TXLNA: variants seen among roughly 807,000 people sequenced by gnomAD.
TXLNA encodes the protein taxilin alpha.
TXLNA carries 9 observed loss-of-function variants against 61.4 expected under a neutral mutation model. That is an observed-to-expected ratio of 0.15 (90% CI 0.09 to 0.26). The LOEUF is 0.26. TXLNA is among the 10% of genes least tolerant of loss of function. The pLI, the probability that TXLNA is intolerant of heterozygous loss-of-function variation, is 1.00. For missense variants in TXLNA, 565 were observed against 688.8 expected (o/e 0.82, Z 2.01); for synonymous variants, 257 against 267.7 (o/e 0.96, Z 0.39).
At chr1:32,180,656 C>G (rs564502871) in intron 2 of TXLNA, 142 bp downstream of exon 2, 13 of 1,127,964 alleles carry the variant, frequency 1.2e-5, no homozygotes, top group African/African-American at 6.3e-5. Context: ...CGCGGTCCCC[C>G]CTGCGCTCTG....
Position 32,194,165 on chromosome 1 carries a change from G to A in TXLNA, c.1347+5G>A. ...CTGCTTGAGATGGCTGAGGAGGTGG[G>A]CTGTCTGTGATCTGCAGCCAGGGTG... On this transcript the variant is annotated splice_donor_5th_base_variant and intron_variant, in intron 10 of 10. Transcript: ENST00000373610. 1 of 1,612,656 alleles carries A rather than the reference G, an allele frequency of 6.2e-7. No homozygotes were observed. The highest frequency in any genetic ancestry group is 8.5e-7 in the Non-Finnish European group (1 of 1,179,264).
chr1:32,193,150 G>A, intron 8 of TXLNA, 58 bp from the exon 9 acceptor site: 2 of 1,153,168 alleles, frequency 1.7e-6, no homozygotes, highest in Non-Finnish European at 1.3e-6. Flanking sequence ...TGAGTGTGTT[G>A]ACCAGAGTGC....
At position 32,192,012 on chromosome 1, in the gene TXLNA, C is replaced by G. The variant is rs1642916896; in HGVS notation, c.964-299C>G. Among the ~76,000 whole-genome samples the G allele has an allele frequency of 6.6e-6, 1 of 152,272 alleles. No individual in the cohort carries two copies. The highest frequency in any genetic ancestry group is 2.4e-5 in the African/African-American group (1 of 41,478). On this transcript the variant is annotated intron_variant, in intron 6 of 10. Coordinates refer to ENST00000373610, the MANE Select transcript of TXLNA (RefSeq NM_175852.4). This position sits in a 1 kb window ranked among gnomAD's most constrained non-coding sequence, Gnocchi z 4.2. ...ACACAGAAGTGAGGGCTTCCAGCCC[C>G]ATAGGTGATCAATCCTGGGGTCAGA...
rs1387264518 is a variant in TXLNA, at chr1:32,195,560, C to T, written c.*365C>T. The T allele has an allele frequency of 4.9e-6, 2 of 407,938 alleles. No homozygotes were observed. The highest frequency in any genetic ancestry group is 7.3e-5 in the Admixed American group (2 of 27,468). 25.3% of individuals were successfully genotyped at this position (407,938 alleles called of 1,614,324 possible). A position where few individuals can be genotyped will look rare whatever the true frequency, so the allele number is the denominator to read the frequency against. ...GCATTTCTCTGTCTGATTTGAGGCT[C>T]AGACCCCTCCCTGCCCTTCAGAGCT... On this transcript the variant is annotated 3_prime_UTR_variant, in exon 11 of 11. Transcript: ENST00000373610.
chr1:32,193,925 T>C, intron 9 of TXLNA, 140 bp from the exon 10 acceptor site: 1 of 620,740 alleles, frequency 1.6e-6, no homozygotes, highest in Non-Finnish European at 2.9e-6. Context: ...ACAGAGGGCA[T>C]TGACTGCATC....
Position 32,192,481 on chromosome 1 carries a change from G to A in TXLNA, c.1083+51G>A. On this transcript the variant is annotated intron_variant, in intron 7 of 10. Transcript: ENST00000373610. The surrounding 1 kb of genome is among the most constrained non-coding windows in gnomAD (Gnocchi z 4.2). ...GTGGGGGTGGGAGGAGACAGGCTGG[G>A]CTCTGGCTCAGCTCATAGCCGGGTT... is the stretch of plus-strand genomic sequence containing the variant. The A allele has an allele frequency of 6.2e-7, 1 of 1,607,962 alleles. No individual in the cohort carries two copies. The highest frequency in any genetic ancestry group is 8.5e-7 in the Non-Finnish European group (1 of 1,175,768).
intron 3 of TXLNA, among the ~76,000 whole-genome samples, chr1:32,183,653 A>G (rs2124137308): frequency 7.0e-6 from 1 of 143,604 alleles, no homozygotes; most frequent in East Asian, 2.0e-4. Flanking sequence ...GATGGTTTTG[A>G]TCTCCTGACC....
chr1:32,189,030 C>A (rs1330502769), intron 5 of TXLNA, among the ~76,000 whole-genome samples: 2 of 152,100 alleles, frequency 1.3e-5, no homozygotes, highest in African/African-American at 4.8e-5. Flanking sequence ...CATTTCATAT[C>A]CTGTGCCTTT....
chr1:32,182,319 G>T (rs1395489609), intron 3 of TXLNA, among the ~76,000 whole-genome samples: 1 of 152,070 alleles, frequency 6.6e-6, no homozygotes, highest in Admixed American at 6.6e-5. Context: ...TCAGTCACAG[G>T]CAATGGGGAA....
intron 8 of TXLNA, 39 bp from the exon 9 acceptor site, chr1:32,193,169 G>A (rs773415527): frequency 6.8e-7 from 1 of 1,470,600 alleles, no homozygotes; most frequent in Admixed American, 1.7e-5. Context: ...GCCTCCCAGA[G>A]AAACCCAGTC....
In TXLNA at chr1:32,194,052, T is replaced by A. The variant is rs1380816617; in HGVS notation, c.1252-13T>A. On this transcript the variant is annotated splice_polypyrimidine_tract_variant and intron_variant, in intron 9 of 10. Coordinates refer to ENST00000373610, the MANE Select transcript of TXLNA (RefSeq NM_175852.4). ...AGCTCTGACCATTTCCTTCTGTCTG[T>A]CACATAACCTAGATGACTAAGAAGA... 2 of 1,609,178 alleles carry A rather than the reference T, an allele frequency of 1.2e-6. No homozygotes were observed. Among genetic ancestry groups the A allele is most frequent in the Non-Finnish European group, 1.7e-6 (2 of 1,177,156 alleles).
At position 32,195,314 on chromosome 1, in the gene TXLNA, A is replaced by T; in HGVS notation, c.*119A>T. Reference sequence around the variant, plus strand: ...GCCAGGATGTTCTGACCTGGCTGGCATCTGGCACTTGCAATTTTGGATTTT... The same window carrying T: ...GCCAGGATGTTCTGACCTGGCTGGCTTCTGGCACTTGCAATTTTGGATTTT... On this transcript the variant is annotated 3_prime_UTR_variant, in exon 11 of 11. Coordinates refer to ENST00000373610, the MANE Select transcript of TXLNA (RefSeq NM_175852.4). The T allele has an allele frequency of 8.0e-7, 1 of 1,242,306 alleles. No individual in the cohort carries two copies. The allele number at this position is 1,242,306 out of a possible 1,614,324, so 77.0% of individuals were successfully genotyped here. A position where few individuals can be genotyped will look rare whatever the true frequency, so the allele number is the denominator to read the frequency against.
At position 32,196,666 on chromosome 1, in the gene TXLNA, A is replaced by T. The variant is rs1239570957; in HGVS notation, c.*1471A>T. 6.6e-6 allele frequency: 1 copy of T among 152,218 alleles called. No individual in the cohort carries two copies. Among genetic ancestry groups the T allele is most frequent in the Non-Finnish European group, 1.5e-5 (1 of 68,046 alleles). 9.4% of individuals were successfully genotyped at this position (152,218 alleles called of 1,614,324 possible). On this transcript the variant is annotated 3_prime_UTR_variant, in exon 11 of 11. Coordinates refer to ENST00000373610, the MANE Select transcript of TXLNA (RefSeq NM_175852.4). ...GCCAAGCAGTTTTCTGGGACAACAG[A>T]ATGACTCAGACCAAGATGGATAGGA...
chr1:32,191,933 T>C (rs754075907), intron 6 of TXLNA, among the ~76,000 whole-genome samples: 1 of 152,250 alleles, frequency 6.6e-6, no homozygotes, highest in Non-Finnish European at 1.5e-5. Flanking sequence ...TAGGCTGTTA[T>C]GTTCTTAGAG....
Position 32,180,328 on chromosome 1 carries a change from C to G in TXLNA, c.-18C>G. ...TGTTTCTAAAGGATCTTCTCCTGACCCAGCATCGCTCATCACAATGAAGAA... is the reference window on the plus strand; with the variant it reads ...TGTTTCTAAAGGATCTTCTCCTGACGCAGCATCGCTCATCACAATGAAGAA... On this transcript the variant is annotated 5_prime_UTR_variant, in exon 2 of 11. Transcript: ENST00000373610. The G allele has an allele frequency of 1.9e-6, 3 of 1,598,712 alleles. No homozygotes were observed. The highest frequency in any genetic ancestry group is 2.6e-6 in the Non-Finnish European group (3 of 1,174,274).
chr1:32,182,727 C>A (rs1642693649), intron 3 of TXLNA, among the ~76,000 whole-genome samples: 1 of 151,446 alleles, frequency 6.6e-6, no homozygotes, highest in Non-Finnish European at 1.5e-5. Flanking sequence ...TATTCCTATT[C>A]CCTTTTCCCC....
In TXLNA at chr1:32,192,754, T is replaced by G. The variant is rs1193083273; in HGVS notation, c.1158+23T>G. Reference sequence around the variant, plus strand: ...CAGGTGAGAGCATATAACCTGACCCTGTGCCTTCAAGTTTCCCTCACTGGG... The same window carrying G: ...CAGGTGAGAGCATATAACCTGACCCGGTGCCTTCAAGTTTCCCTCACTGGG... On this transcript the variant is annotated intron_variant, in intron 8 of 10. Coordinates refer to ENST00000373610, the MANE Select transcript of TXLNA (RefSeq NM_175852.4). This position sits in a 1 kb window ranked among gnomAD's most constrained non-coding sequence, Gnocchi z 4.2. 6.2e-7 allele frequency: 1 copy of G among 1,613,444 alleles called. No homozygotes were observed.
chr1:32,194,400 A>T (rs929390716), intron 10 of TXLNA, among the ~76,000 whole-genome samples: 66 of 152,170 alleles, frequency 4.3e-4, no homozygotes, highest in African/African-American at 1.5e-3. Context: ...GAGCAGAAAA[A>T]AACGGGTGCC....
At chr1:32,190,392 T>C in intron 6 of TXLNA, 143 bp downstream of exon 6, 1 of 821,714 alleles carries the variant, frequency 1.2e-6, no homozygotes, top group Non-Finnish European at 1.9e-6. Flanking sequence ...AGTAATGTTA[T>C]TCCTCATAGA....
Sources: allele counts gnomAD v4.1 joint callset (sites outside exome capture counted in the v4.1 genomes callset), GRCh38; gene constraint gnomAD v4.1.1; non-coding constraint Gnocchi (gnomAD v3.1); transcripts MANE v1.5; gene names NCBI Gene and HGNC (gene_info 2026-07-23, HGNC 2026-07-21).